The following HOXC5 variants were observed in gnomAD, a reference collection of about 807,000 sequenced individuals.
HOXC5 encodes homeobox C5.
In HOXC5, 19 loss-of-function variants were observed where a neutral mutation model predicts 20.1. That is an observed-to-expected ratio of 0.94 (90% confidence interval 0.66 to 1.38). The LOEUF (loss-of-function observed/expected upper bound fraction) is 1.38. HOXC5 is among the 40% of genes most tolerant of loss of function. The pLI is 0.00. For missense variants in HOXC5, 330 were observed against 300.1 expected (o/e 1.10, Z -0.74); for synonymous variants, 124 against 117.0 (o/e 1.06, Z -0.39).
upstream of HOXC5, chr12:54,028,978 G>C: frequency 6.6e-7 from 1 of 1,508,674 alleles, no homozygotes; most frequent in South Asian, 1.3e-5. Context: ...TTTATGACCG[G>C]CTTCCCTAGA....
At chr12:54,028,260 TATATA>T (rs1565740742), upstream of HOXC5, 1 of 165,574 alleles carries the variant, frequency 6.0e-6, no homozygotes, top group African/African-American at 2.7e-5. Context: ...TATATATATA[TATATA>T]TATTTTTTAA....
At chr12:54,028,455 C>T, upstream of HOXC5, 4 of 1,526,816 alleles carry the variant, frequency 2.6e-6, no homozygotes, top group Non-Finnish European at 3.6e-6. Context: ...CATCTAGTTC[C>T]GAGTACAAAC....
At chr12:54,026,940 C>T in the HOXC5 span, among the ~76,000 whole-genome samples, 4 of 141,916 alleles carry the variant, frequency 2.8e-5, no homozygotes, top group Admixed American at 7.1e-5. Flanking sequence ...CAGCTTTCCC[C>T]CCCCCCAACC....
upstream of HOXC5, chr12:54,032,893 T>G: frequency 5.4e-6 from 2 of 370,800 alleles, no homozygotes; most frequent in Non-Finnish European, 9.7e-6. Context: ...TTTCGCCGGC[T>G]TCCATCACTA....
chr12:54,018,720 C>T, the HOXC5 span, among the ~76,000 whole-genome samples: 1 of 151,872 alleles, frequency 6.6e-6, no homozygotes, highest in African/African-American at 2.4e-5. Context: ...CGGCGACGCA[C>T]ACGCAAACGC....
chr12:54,023,698 A>G, the HOXC5 span, among the ~76,000 whole-genome samples: 5 of 152,162 alleles, frequency 3.3e-5, no homozygotes, highest in African/African-American at 4.8e-5. Flanking sequence ...CCCAAATGAT[A>G]TCCATTTCTG....
At chr12:54,031,857 C>T (rs138102504), upstream of HOXC5, among the ~76,000 whole-genome samples, 1,673 of 152,286 alleles carry the variant, frequency 0.011, 32 homozygotes, top group African/African-American at 0.038. Context: ...AGGCGCCTGC[C>T]CTGCCCACCC....
At position 54,035,076 on chromosome 12, in the gene HOXC5, C is replaced by A; in HGVS notation, c.*584C>A. On this transcript the variant is annotated 3_prime_UTR_variant, in exon 2 of 2. Transcript: ENST00000312492. Reference sequence around the variant, plus strand: ...CACAGTTGCTCTATGCTTTCCAAACCTTATCTCCACAACCTCTTCCCCCCA... The same window carrying A: ...CACAGTTGCTCTATGCTTTCCAAACATTATCTCCACAACCTCTTCCCCCCA... The A allele has an allele frequency of 6.5e-6, 1 of 154,378 alleles. No individual in the cohort carries two copies. The highest frequency in any genetic ancestry group is 6.4e-5 in the Admixed American group (1 of 15,730). 9.6% of individuals were successfully genotyped at this position (154,378 alleles called of 1,614,324 possible). A position where few individuals can be genotyped will look rare whatever the true frequency, so the allele number is the denominator to read the frequency against.
At chr12:54,028,530 C>G, upstream of HOXC5, 1 of 1,613,684 alleles carries the variant, frequency 6.2e-7, no homozygotes, top group Non-Finnish European at 8.5e-7. Flanking sequence ...GGATGAATTC[C>G]TACTTCACTA....
upstream of HOXC5, chr12:54,030,260 C>G (rs749663420): frequency 3.8e-5 from 9 of 237,032 alleles, no homozygotes; most frequent in Middle Eastern, 5.3e-3. Flanking sequence ...TCAGACTCTA[C>G]AGATTGCCCT....
At chr12:54,019,426 G>T in the HOXC5 span, among the ~76,000 whole-genome samples, 1 of 152,162 alleles carries the variant, frequency 6.6e-6, no homozygotes, top group African/African-American at 2.4e-5. Flanking sequence ...AGGGAGTGCG[G>T]TGGGACACAA....
the HOXC5 span, among the ~76,000 whole-genome samples, chr12:54,026,785 C>T: frequency 6.6e-6 from 1 of 152,182 alleles, no homozygotes; most frequent in African/African-American, 2.4e-5. Flanking sequence ...TCCAGGGAAA[C>T]CTTAACGTTA....
Position 54,034,438 on chromosome 12 carries a change from C to T in HOXC5, c.615C>T (p.Asn205=). ...NERQIKIWFQ[N]RRMKWKKDSK... ...GACAGATCAAGATCTGGTTCCAGAACCGCAGGATGAAGTGGAAGAAAGATT... is the reference window on the plus strand; with the variant it reads ...GACAGATCAAGATCTGGTTCCAGAATCGCAGGATGAAGTGGAAGAAAGATT... Residue 205 remains asparagine (N), a synonymous_variant, in exon 2 of 2, where the codon AAC becomes AAT. Transcript: ENST00000312492. The T allele has an allele frequency of 6.2e-7, 1 of 1,614,248 alleles. No homozygotes were observed. Among genetic ancestry groups the T allele is most frequent in the Non-Finnish European group, 8.5e-7 (1 of 1,180,040 alleles).
chr12:54,023,085 C>T, the HOXC5 span, among the ~76,000 whole-genome samples: 4 of 152,308 alleles, frequency 2.6e-5, no homozygotes, highest in African/African-American at 9.6e-5. Flanking sequence ...AAGCTCTCTC[C>T]CCATTCCCAG....
the HOXC5 span, among the ~76,000 whole-genome samples, chr12:54,026,581 T>C: frequency 1.3e-5 from 2 of 152,158 alleles, no homozygotes; most frequent in East Asian, 1.9e-4. Context: ...CCCCTTCCCT[T>C]CCAAATACCG....
chr12:54,025,537 G>C, the HOXC5 span, among the ~76,000 whole-genome samples: 3 of 53,428 alleles, frequency 5.6e-5, no homozygotes, highest in South Asian at 5.4e-4. Flanking sequence ...TGGGGGGGGG[G>C]GAGGTGTTGA....
the HOXC5 span, among the ~76,000 whole-genome samples, chr12:54,024,505 C>T: frequency 1.4e-3 from 211 of 152,300 alleles, no homozygotes; most frequent in African/African-American, 4.8e-3. Context: ...CTAAGGAGGA[C>T]CTCTGGAAAA....
upstream of HOXC5, chr12:54,033,040 A>T: frequency 8.8e-7 from 1 of 1,140,020 alleles, no homozygotes; most frequent in East Asian, 2.4e-5. Flanking sequence ...CACTTTGGAG[A>T]ACAAAAAACC....
chr12:54,028,366 A>C, upstream of HOXC5: 1 of 727,678 alleles, frequency 1.4e-6, no homozygotes. Flanking sequence ...CCTTCCTGAC[A>C]TCTGGCTTGC....
Sources: allele counts gnomAD v4.1 joint callset (sites outside exome capture counted in the v4.1 genomes callset), GRCh38; gene constraint gnomAD v4.1.1; transcripts MANE v1.5; gene names NCBI Gene and HGNC (gene_info 2026-07-23, HGNC 2026-07-21).